The following INPP5D variants were observed in gnomAD, a reference collection of about 807,000 sequenced individuals.
INPP5D encodes the protein inositol polyphosphate-5-phosphatase D.
INPP5D carries 33 observed loss-of-function variants against 122.9 expected under a neutral mutation model. That is an observed-to-expected ratio of 0.27 (90% CI 0.20 to 0.36). The LOEUF (loss-of-function observed/expected upper bound fraction) is 0.36, where lower values mean the gene tolerates loss of function less well. Among genes scored for constraint, INPP5D ranks in the 10% least tolerant of loss-of-function variants. INPP5D has a pLI of 1.00. For missense variants in INPP5D, 1,053 were observed against 1,412.7 expected (o/e 0.75, Z 4.08); for synonymous variants, 584 against 576.2 (o/e 1.01, Z -0.19).
chr2:233,162,128 G>A (rs1200219234), intron 11 of INPP5D, among the ~76,000 whole-genome samples: 1 of 151,972 alleles, frequency 6.6e-6, no homozygotes, highest in African/African-American at 2.4e-5. Flanking sequence ...TCTAGGTGAA[G>A]GGGCTCATGG....
chr2:233,110,941 A>G (rs1202629754), intron 2 of INPP5D, among the ~76,000 whole-genome samples: 2 of 92,806 alleles, frequency 2.2e-5, no homozygotes, highest in Non-Finnish European at 1.9e-5. Context: ...AAAAAACAAC[A>G]AAAAAAAAAA....
At chr2:233,089,919 G>C (rs1017270155) in intron 2 of INPP5D, among the ~76,000 whole-genome samples, 1 of 152,210 alleles carries the variant, frequency 6.6e-6, no homozygotes, top group African/African-American at 2.4e-5. Context: ...GGAAATGAAT[G>C]GCCCAGCCAT....
chr2:233,185,321 G>C (rs138924400), intron 20 of INPP5D, among the ~76,000 whole-genome samples: 3 of 152,120 alleles, frequency 2.0e-5, no homozygotes, highest in African/African-American at 7.2e-5. Context: ...GTGCTAGAGC[G>C]GCCTTTGTCA....
chr2:233,193,759 T>C, intron 22 of INPP5D, 53 bp from the exon 23 acceptor site: 1 of 1,612,576 alleles, frequency 6.2e-7, no homozygotes, highest in South Asian at 1.1e-5. Context: ...GTTTGGTGTT[T>C]CTGCCATGAA....
intron 13 of INPP5D, among the ~76,000 whole-genome samples, chr2:233,165,101 GAGT>G (rs1229475841): frequency 6.6e-6 from 1 of 152,186 alleles, no homozygotes; most frequent in Non-Finnish European, 1.5e-5. Context: ...ATGTGTGTGT[GAGT>G]AGGTCTGTGT....
chr2:233,200,160 T>C (rs1356096256), intron 25 of INPP5D, among the ~76,000 whole-genome samples: 6 of 152,182 alleles, frequency 3.9e-5, no homozygotes, highest in Admixed American at 2.6e-4. Flanking sequence ...GGCAGAAGAA[T>C]GGAAGCCAGA....
At chr2:233,205,720 C>A (rs1213724250) in intron 26 of INPP5D, 4 of 152,066 alleles carry the variant, frequency 2.6e-5, no homozygotes, top group Non-Finnish European at 1.5e-5. Flanking sequence ...TTGGAGAATT[C>A]AGCACACTTT....
intron 2 of INPP5D, among the ~76,000 whole-genome samples, chr2:233,085,950 T>G (rs1219785525): frequency 6.6e-6 from 1 of 152,224 alleles, no homozygotes; most frequent in East Asian, 1.9e-4. Context: ...GTTTCCTGTC[T>G]TTGTTACCCA....
At chr2:233,073,160 G>A (rs968705127) in intron 1 of INPP5D, among the ~76,000 whole-genome samples, 1 of 152,188 alleles carries the variant, frequency 6.6e-6, no homozygotes, top group Non-Finnish European at 1.5e-5. Flanking sequence ...CACAGGGCAG[G>A]TGGAAAAGGG....
chr2:233,204,241 C>G lies in INPP5D; in HGVS notation c.3091C>G (p.Pro1031Ala). 1.9e-6 allele frequency: 3 copies of G among 1,613,596 alleles called. No homozygotes were observed. Among genetic ancestry groups the G allele is most frequent in the African/African-American group, 1.3e-5 (1 of 75,054 alleles). Residue 1031 changes from proline (P) to alanine (A), a missense_variant, in exon 26 of 27, where the codon CCT (proline) becomes GCT (alanine). By Grantham distance (27) the Pro-to-Ala change is conservative. This residue lies in a region of INPP5D where 417 missense variants were observed against 425.8 expected (regional missense o/e 0.98). Transcript: ENST00000445964. ...LYGSLSSFPK[P>A]APRKDQESPK... ...TGGGTCCCTGAGTTCCTTCCCTAAG[C>G]CTGCTCCCAGGAAGGACCAGGAATC...
intron 17 of INPP5D, among the ~76,000 whole-genome samples, chr2:233,172,985 G>C (rs1694528898): frequency 6.6e-6 from 1 of 152,160 alleles, no homozygotes; most frequent in Admixed American, 6.5e-5. Context: ...GAGGTGGGTG[G>C]ATCACTTGAG....
intron 2 of INPP5D, among the ~76,000 whole-genome samples, chr2:233,121,579 A>T (rs993716815): frequency 6.7e-6 from 1 of 148,802 alleles, no homozygotes; most frequent in Non-Finnish European, 1.5e-5. Flanking sequence ...GCAGCGGCGC[A>T]ATCTCGGCTC....
At chr2:233,138,478 A>C (rs1693556815) in intron 5 of INPP5D, among the ~76,000 whole-genome samples, 1 of 152,174 alleles carries the variant, frequency 6.6e-6, no homozygotes, top group Non-Finnish European at 1.5e-5. Flanking sequence ...TAGAAAAACA[A>C]TGACATTAGA....
rs150813540 is a variant in INPP5D, at chr2:233,200,961, AAAATAAATAAATAAAT to A, written c.2975+2619_2975+2634del. On this transcript the variant is annotated intron_variant, in intron 25 of 26. Coordinates refer to ENST00000445964, the MANE Select transcript of INPP5D (RefSeq NM_001017915.3). ...GGGTGACAGAGCAAGACTCCATCTC[AAAATAAATAAATAAAT>A]AAATAAATAAATAAATAAATAAATA... 1.6e-3 allele frequency among the ~76,000 whole-genome samples: 227 copies of A among 141,902 alleles called. 2 individuals are homozygous for A. The highest frequency in any genetic ancestry group is 2.4e-3 in the African/African-American group (91 of 38,186). The allele number at this position is 141,902 out of a possible 152,430, so 93.1% of individuals were successfully genotyped here. A position where few individuals can be genotyped will look rare whatever the true frequency, so the allele number is the denominator to read the frequency against.
intron 9 of INPP5D, among the ~76,000 whole-genome samples, chr2:233,153,594 G>A (rs1288408406): frequency 1.3e-5 from 2 of 152,198 alleles, no homozygotes; most frequent in Non-Finnish European, 2.9e-5. Context: ...CTCAGGAACT[G>A]AGAGCCTTGG....
At chr2:233,079,710 G>A (rs1691619524) in intron 2 of INPP5D, among the ~76,000 whole-genome samples, 1 of 152,178 alleles carries the variant, frequency 6.6e-6, no homozygotes, top group South Asian at 2.1e-4. Context: ...TTGGCCGACT[G>A]TTGTCTTCAG....
chr2:233,133,049 A>C (rs957117329), intron 5 of INPP5D, among the ~76,000 whole-genome samples: 1 of 151,504 alleles, frequency 6.6e-6, no homozygotes, highest in African/African-American at 2.4e-5. Flanking sequence ...GCTTCCCCCG[A>C]GTCCAATGGA....
At chr2:233,098,495 T>C (rs931025476) in intron 2 of INPP5D, among the ~76,000 whole-genome samples, 1 of 152,176 alleles carries the variant, frequency 6.6e-6, no homozygotes, top group Non-Finnish European at 1.5e-5. Context: ...GTTCTGGTCT[T>C]CTTTAACGTG....
Position 233,100,022 on chromosome 2 carries a change from G to T in INPP5D, c.198+20624G>T, listed in dbSNP as rs1692261998. ...TCATGAGACCCATTCACTATCACGA[G>T]AACAGAGCCGCCATAATTCAATCAC... On this transcript the variant is annotated intron_variant, in intron 2 of 26. Transcript: ENST00000445964. This position sits in a 1 kb window ranked among gnomAD's most constrained non-coding sequence, Gnocchi z 5.3. 6.6e-6 allele frequency among the ~76,000 whole-genome samples: 1 copy of T among 152,234 alleles called. No homozygotes were observed. The highest frequency in any genetic ancestry group is 1.9e-4 in the East Asian group (1 of 5,178).
Sources: allele counts gnomAD v4.1 joint callset (sites outside exome capture counted in the v4.1 genomes callset), GRCh38; gene constraint gnomAD v4.1.1; regional missense constraint gnomAD v4.1.1; non-coding constraint Gnocchi (gnomAD v3.1); transcripts MANE v1.5; gene names NCBI Gene and HGNC (gene_info 2026-07-23, HGNC 2026-07-21).